DAB1: variants seen among roughly 807,000 people sequenced by gnomAD.
DAB1 encodes DAB adaptor protein 1.
DAB1 carries 15 observed loss-of-function variants against 64.6 expected under a neutral mutation model. That is an observed-to-expected ratio of 0.23 (90% confidence interval 0.16 to 0.36). The LOEUF (loss-of-function observed/expected upper bound fraction) is 0.36, where lower values mean the gene tolerates loss of function less well. DAB1 is among the 10% of genes least tolerant of loss of function. The pLI, the probability that DAB1 is intolerant of heterozygous loss-of-function variation, is 1.00. For missense variants in DAB1, 596 were observed against 706.7 expected, an observed-to-expected ratio of 0.84 and a Z score of 1.78; for synonymous variants, 235 against 251.9, an observed-to-expected ratio of 0.93 and a Z score of 0.64.
At chr1:57,291,727 T>G (rs1376889609) in intron 1 of DAB1, among the ~76,000 whole-genome samples, 1 of 152,218 alleles carries the variant, frequency 6.6e-6, no homozygotes, top group African/African-American at 2.4e-5. Context: ...TTCCTCCAGC[T>G]ATAAGAGCAG....
chr1:57,233,931 T>C (rs1351183059), intron 2 of DAB1, among the ~76,000 whole-genome samples: 1 of 152,114 alleles, frequency 6.6e-6, no homozygotes, highest in Non-Finnish European at 1.5e-5. Flanking sequence ...AGGGCTTACA[T>C]TGCCAGCTGC....
intron 7 of DAB1, among the ~76,000 whole-genome samples, chr1:57,433,851 C>CA (rs59390528): frequency 0.045 from 4,925 of 108,606 alleles, 87 homozygotes; most frequent in South Asian, 0.072. Context: ...GACAGCTCAC[C>CA]AAAAAAAAAA....
At chr1:57,023,666 A>T in intron 10 of DAB1, 27 bp from the exon 11 acceptor site, 1 of 1,450,860 alleles carries the variant, frequency 6.9e-7, no homozygotes, top group Non-Finnish European at 9.6e-7. Flanking sequence ...GGCAGAGGAC[A>T]CATGAGACCT....
chr1:58,323,267 AAAAT>A, intron 4 of DAB1, among the ~76,000 whole-genome samples: 1 of 151,036 alleles, frequency 6.6e-6, no homozygotes, highest in Non-Finnish European at 1.5e-5. Context: ...TAATAATAAT[AAAAT>A]ATTCATCACT....
intron 6 of DAB1, among the ~76,000 whole-genome samples, chr1:57,805,296 C>A (rs1651310297): frequency 6.6e-6 from 1 of 152,126 alleles, no homozygotes; most frequent in Admixed American, 6.5e-5. Context: ...TGAAGCCCAG[C>A]CATTAGGAGA....
Position 58,037,574 on chromosome 1 carries a change from A to T in DAB1, n.387+112937T>A, listed in dbSNP as rs1228660786. 3.3e-5 allele frequency among the ~76,000 whole-genome samples: 5 copies of T among 152,282 alleles called. No individual in the cohort carries two copies. The East Asian group carries it at 9.7e-4, about 29-fold the overall frequency. ...GTTGCATGCTCCTTATGAGAATTTG[A>T]TGCCTGATTGAGATTGATCTGAGGT... On this transcript the variant is annotated intron_variant and non_coding_transcript_variant, in intron 5 of 20. Coordinates refer to the DAB1 transcript ENST00000485760.
At chr1:57,185,773 CAG>C (rs1197030222) in intron 2 of DAB1, among the ~76,000 whole-genome samples, 1 of 151,906 alleles carries the variant, frequency 6.6e-6, no homozygotes, top group African/African-American at 2.4e-5. Context: ...TCTTTTTTTC[CAG>C]AGAGTGAGGT....
At chr1:57,796,881 T>A (rs1650900178) in intron 6 of DAB1, among the ~76,000 whole-genome samples, 1 of 152,188 alleles carries the variant, frequency 6.6e-6, no homozygotes, top group Non-Finnish European at 1.5e-5. Context: ...ATATCCTGCA[T>A]CCGGTTCACT....
chr1:58,300,827 G>T (rs1662154250), intron 4 of DAB1, among the ~76,000 whole-genome samples: 1 of 152,078 alleles, frequency 6.6e-6, no homozygotes, highest in African/African-American at 2.4e-5. Flanking sequence ...TGTGCTGAGT[G>T]GGGGCAGTGA....
intron 5 of DAB1, among the ~76,000 whole-genome samples, chr1:58,106,398 G>C (rs1265438722): frequency 1.3e-5 from 2 of 152,184 alleles, no homozygotes; most frequent in Non-Finnish European, 2.9e-5. Flanking sequence ...TGCCCAGGCT[G>C]GTCTTGAACT....
chr1:57,520,188 C>A (rs1357002146), intron 7 of DAB1, among the ~76,000 whole-genome samples: 1 of 152,202 alleles, frequency 6.6e-6, no homozygotes, highest in Non-Finnish European at 1.5e-5. Context: ...AGCATGGTGA[C>A]TGGAGCATAA....
At chr1:57,081,258 G>T (rs1479418116) in intron 4 of DAB1, among the ~76,000 whole-genome samples, 1 of 152,176 alleles carries the variant, frequency 6.6e-6, no homozygotes, top group Admixed American at 6.5e-5. Context: ...GTCTAGCAGA[G>T]CATCTGGTAG....
intron 7 of DAB1, among the ~76,000 whole-genome samples, chr1:57,553,818 G>A (rs1208862300): frequency 6.6e-6 from 1 of 152,152 alleles, no homozygotes; most frequent in African/African-American, 2.4e-5. Flanking sequence ...GCAACAGGGT[G>A]CTCATTGGCA....
At chr1:57,203,757 T>C (rs1665300167) in intron 2 of DAB1, among the ~76,000 whole-genome samples, 1 of 152,092 alleles carries the variant, frequency 6.6e-6, no homozygotes, top group African/African-American at 2.4e-5. Flanking sequence ...TTTTCAACTG[T>C]TCTGTCTCTT....
In DAB1 at chr1:57,254,673, T is replaced by C. The variant is rs76292310; in HGVS notation, c.67+36291A>G. Among the ~76,000 whole-genome samples, 580 of 152,292 alleles carry C rather than the reference T, an allele frequency of 3.8e-3. 18 individuals are homozygous for C. In the East Asian group the frequency reaches 0.073, roughly 19 times the overall value. On this transcript the variant is annotated intron_variant, in intron 2 of 14. Coordinates refer to ENST00000371236, the MANE Select transcript of DAB1 (RefSeq NM_001365792.1). ...TCATGTTGGTTGGCTCCAGTAACTG[T>C]CTAGGTTATTTCTTTTGTTGCTAAG...
At chr1:57,126,153 GA>G (rs1657109056) in intron 4 of DAB1, among the ~76,000 whole-genome samples, 1 of 151,210 alleles carries the variant, frequency 6.6e-6, no homozygotes, top group South Asian at 2.1e-4. Flanking sequence ...TTATTTTAAA[GA>G]AAAACAGTGA....
At chr1:58,082,090 G>C (rs919470463) in intron 5 of DAB1, among the ~76,000 whole-genome samples, 2 of 152,194 alleles carry the variant, frequency 1.3e-5, no homozygotes, top group African/African-American at 4.8e-5. Flanking sequence ...ACCATGACTT[G>C]CCCACAGCCA....
chr1:57,604,066 T>C (rs1645606606), intron 7 of DAB1, among the ~76,000 whole-genome samples: 1 of 152,218 alleles, frequency 6.6e-6, no homozygotes, highest in Middle Eastern at 3.2e-3. Context: ...GAAGAAGCCA[T>C]GCGCTGCTGC....
rs569005904 is a variant in DAB1, at chr1:58,213,507, A to C, written n.310-62919T>G. Among the ~76,000 whole-genome samples the C allele has an allele frequency of 2.6e-5, 4 of 152,184 alleles. 1 individual carries two copies. Among genetic ancestry groups the C allele is most frequent in the African/African-American group, 9.6e-5 (4 of 41,536 alleles). On this transcript the variant is annotated intron_variant and non_coding_transcript_variant, in intron 4 of 20. Coordinates refer to the DAB1 transcript ENST00000485760. ...TGGTGGCATCAAGAAGTGCAGAGCG[A>C]AGGCCGGGAAGAGCCCCTTATAAAA...
Sources: allele counts gnomAD v4.1 joint callset (sites outside exome capture counted in the v4.1 genomes callset), GRCh38; gene constraint gnomAD v4.1.1; transcripts MANE v1.5; gene names NCBI Gene and HGNC (gene_info 2026-07-23, HGNC 2026-07-21).